Variants in NTRK1 observed in about 807,000 individuals in gnomAD.
NTRK1 encodes the protein neurotrophic receptor tyrosine kinase 1.
Under a neutral mutation model 86.8 loss-of-function variants are expected in NTRK1, and 62 were observed. That is an observed-to-expected ratio of 0.71 (90% CI 0.58 to 0.88). The LOEUF is 0.88. NTRK1 is among the 40% of genes least tolerant of loss of function. The pLI, the probability that NTRK1 is intolerant of heterozygous loss-of-function variation, is 0.00. For missense variants in NTRK1, 967 were observed against 1,078.4 expected, an observed-to-expected ratio of 0.90 and a Z score of 1.45; for synonymous variants, 469 against 456.6, an observed-to-expected ratio of 1.03 and a Z score of -0.35.
At chr1:156,845,737 C>T (rs1362532506) in intron 2 of NTRK1, 1 of 1,613,618 alleles carries the variant, frequency 6.2e-7, no homozygotes, top group Admixed American at 1.7e-5. Context: ...GGGCAGCAGT[C>T]GGACTCCATC....
chr1:156,879,478 T>G (rs1008768780), intron 15 of NTRK1, 116 bp downstream of exon 15: 8 of 1,372,820 alleles, frequency 5.8e-6, no homozygotes, highest in Non-Finnish European at 7.9e-6. Flanking sequence ...TGAGATTCAC[T>G]GGCTCTGGTT....
chr1:156,828,925 T>G (rs1571644273), intron 1 of NTRK1, among the ~76,000 whole-genome samples: 1 of 152,208 alleles, frequency 6.6e-6, no homozygotes, highest in African/African-American at 2.4e-5. Flanking sequence ...ATTGTTCTAT[T>G]TATTATACCC....
chr1:156,860,648 G>A (rs531696742), upstream of NTRK1, among the ~76,000 whole-genome samples: 1 of 152,320 alleles, frequency 6.6e-6, no homozygotes, highest in African/African-American at 2.4e-5. Flanking sequence ...CCTCCGAGGC[G>A]TTCTGCTGCG....
intron 2 of NTRK1, among the ~76,000 whole-genome samples, chr1:156,848,728 A>G (rs1197311255): frequency 6.6e-6 from 1 of 152,158 alleles, no homozygotes; most frequent in Non-Finnish European, 1.5e-5. Context: ...GTGAGGGGAA[A>G]CCGAGGCATG....
chr1:156,867,367 CCTT>C (rs1655987026), intron 4 of NTRK1, among the ~76,000 whole-genome samples: 1 of 152,246 alleles, frequency 6.6e-6, no homozygotes, highest in African/African-American at 2.4e-5. Flanking sequence ...GCCCTTCCCT[CCTT>C]GTCACCATGC....
rs888549662 is a variant in NTRK1, at chr1:156,844,836, A to C, written c.50+2643A>C. 1.9e-6 allele frequency: 3 copies of C among 1,613,886 alleles called. No individual in the cohort carries two copies. In the African/African-American group the frequency reaches 4.0e-5, roughly 22 times the overall value. On this transcript the variant is annotated intron_variant, in intron 2 of 16. Coordinates refer to the NTRK1 transcript ENST00000392302. Reference sequence around the variant, plus strand: ...AGGCCACCTTTCCTGGAATACCATCAGCCTCTCCTGCGGGAAGGGGCATCC... The same window carrying C: ...AGGCCACCTTTCCTGGAATACCATCCGCCTCTCCTGCGGGAAGGGGCATCC...
chr1:156,816,678 G>C (rs1366082371), intron 1 of NTRK1: 3 of 1,602,028 alleles, frequency 1.9e-6, no homozygotes, highest in Non-Finnish European at 2.6e-6. Context: ...CACTTACCTT[G>C]GGGACATATC....
chr1:156,857,939 C>T (rs376760566), upstream of NTRK1, among the ~76,000 whole-genome samples: 12 of 152,160 alleles, frequency 7.9e-5, no homozygotes, highest in East Asian at 1.5e-3. Flanking sequence ...CTCTCTAAAA[C>T]GTACTGATGG....
At position 156,839,467 on chromosome 1, in the gene NTRK1, G is replaced by A. The variant is rs151027232; in HGVS notation, c.-63-2614G>A. ...CCCTTCCCTTTCAAATGCCCTCATGGCACTGGCAGAAAAGCCTGGGAGCTG... is the reference window on the plus strand; with the variant it reads ...CCCTTCCCTTTCAAATGCCCTCATGACACTGGCAGAAAAGCCTGGGAGCTG... On this transcript the variant is annotated intron_variant, in intron 1 of 16. Coordinates refer to the NTRK1 transcript ENST00000392302. Among the ~76,000 whole-genome samples the A allele has an allele frequency of 6.0e-3, 915 of 152,368 alleles. 6 individuals carry two copies. The highest frequency in any genetic ancestry group is 0.02 in the African/African-American group (831 of 41,588).
chr1:156,863,596 G>A (rs746910816), intron 1 of NTRK1, among the ~76,000 whole-genome samples: 13 of 152,108 alleles, frequency 8.5e-5, no homozygotes, highest in Non-Finnish European at 1.6e-4. Context: ...GGGAGGTTTC[G>A]GTGGAGTAGG....
At chr1:156,874,879 G>T (rs2102911706) in intron 10 of NTRK1, 27 bp from the exon 11 acceptor site, 1 of 1,539,082 alleles carries the variant, frequency 6.5e-7, no homozygotes. Flanking sequence ...GGAGCCCCTG[G>T]ATCTAACTAC....
rs201311148 is a variant in NTRK1, at chr1:156,854,215, C to T, written c.51-10139C>T. On this transcript the variant is annotated intron_variant, in intron 2 of 16. Transcript: ENST00000392302. This position sits in a 1 kb window ranked among gnomAD's most constrained non-coding sequence, Gnocchi z 4.2. ...CCTCCCCGGTGGCTGTGAACATGAGCAGGATCTGCAGGTGGCCCTCCACCA... is the reference window on the plus strand; with the variant it reads ...CCTCCCCGGTGGCTGTGAACATGAGTAGGATCTGCAGGTGGCCCTCCACCA... The T allele has an allele frequency of 7.4e-6, 12 of 1,614,032 alleles. No individual in the cohort carries two copies. The Admixed American group carries it at 2.0e-4, about 27-fold the overall frequency.
In NTRK1 at chr1:156,881,680, ACTGGGGC is replaced by A; in HGVS notation, c.*42_*48del. On this transcript the variant is annotated 3_prime_UTR_variant, in exon 17 of 17. Coordinates refer to ENST00000524377, the MANE Select transcript of NTRK1 (RefSeq NM_002529.4). ...GGGGCTGGGAGTGGTTAGCCGGAAT[ACTGGGGC>A]CTGCCCTCAGCATCCCCCATAGCTC... The A allele has an allele frequency of 6.4e-7, 1 of 1,565,986 alleles. No homozygotes were observed. The highest frequency in any genetic ancestry group is 8.7e-7 in the Non-Finnish European group (1 of 1,154,498).
intron 1 of NTRK1, among the ~76,000 whole-genome samples, chr1:156,838,114 A>G (rs1654641928): frequency 6.6e-6 from 1 of 151,820 alleles, no homozygotes; most frequent in African/African-American, 2.4e-5. Flanking sequence ...GGCACAGCTC[A>G]CTTGACTTCG....
chr1:156,816,809 C>T (rs989692883), intron 1 of NTRK1: 27 of 1,156,390 alleles, frequency 2.3e-5, no homozygotes, highest in Admixed American at 5.8e-5. Flanking sequence ...ACCCTGGCCC[C>T]GGGGGCAGGA....
intron 1 of NTRK1, 145 bp from the exon 2 acceptor site, chr1:156,864,209 C>A: frequency 1.3e-6 from 1 of 748,080 alleles, no homozygotes. Flanking sequence ...GTGTGCACGC[C>A]TGTGTAAGTG....
intron 1 of NTRK1, among the ~76,000 whole-genome samples, chr1:156,835,102 C>T (rs1210322459): frequency 6.6e-6 from 1 of 152,116 alleles, no homozygotes; most frequent in African/African-American, 2.4e-5. Context: ...TTTATAGCCC[C>T]AAAATCCTGT....
intron 6 of NTRK1, 48 bp downstream of exon 6, chr1:156,868,695 AG>A: frequency 3.2e-6 from 5 of 1,546,542 alleles, no homozygotes; most frequent in Non-Finnish European, 3.5e-6. Context: ...GGCAGAGCAC[AG>A]GGGACAAAGA....
At chr1:156,845,492 A>T (rs1169101179) in intron 2 of NTRK1, 1 of 1,505,948 alleles carries the variant, frequency 6.6e-7, no homozygotes, top group African/African-American at 1.4e-5. Context: ...CGCCTCCAAA[A>T]GCACCCACAA....
Sources: allele counts gnomAD v4.1 joint callset (sites outside exome capture counted in the v4.1 genomes callset), GRCh38; gene constraint gnomAD v4.1.1; non-coding constraint Gnocchi (gnomAD v3.1); transcripts MANE v1.5; gene names NCBI Gene and HGNC (gene_info 2026-07-23, HGNC 2026-07-21).